The following CCDC33 variants were observed in gnomAD, a reference collection of about 807,000 sequenced individuals.
The protein encoded by CCDC33 is coiled-coil domain containing 33.
CCDC33 carries 94 observed loss-of-function variants against 91.9 expected under a neutral mutation model. The ratio of observed to expected loss-of-function variants is 1.02; its 90% CI spans 0.87 to 1.21. The LOEUF (loss-of-function observed/expected upper bound fraction) is 1.21, where lower values mean the gene tolerates loss of function less well. Ranked by LOEUF, CCDC33 falls within the 50% of genes most tolerant of loss-of-function variation. CCDC33 has a pLI of 0.00. For synonymous variants in CCDC33, 396 were observed against 374.5 expected (o/e 1.06, Z -0.66); for missense variants, 940 against 935.5 (o/e 1.00, Z -0.06).
chr15:74,334,033 A>C (rs369295363), intron 17 of CCDC33, 66 bp downstream of exon 17: 1 of 1,381,814 alleles, frequency 7.2e-7, no homozygotes, highest in African/African-American at 1.4e-5. Context: ...ACCAGGGCTC[A>C]GTGTGTGAGC....
upstream of CCDC33, among the ~76,000 whole-genome samples, chr15:74,235,582 C>T (rs2075127973): frequency 1.3e-5 from 2 of 152,118 alleles, no homozygotes; most frequent in African/African-American, 2.4e-5. Flanking sequence ...CAGTTCAGAC[C>T]TCACCTCTCT....
chr15:74,222,556 GT>G (rs1567213314), intron 2 of CCDC33, among the ~76,000 whole-genome samples: 4 of 134,568 alleles, frequency 3.0e-5, no homozygotes, highest in Non-Finnish European at 6.3e-5. Context: ...AATTCCTTCC[GT>G]TTAAAACACC....
chr15:74,267,813 C>G (rs2076207558), intron 4 of CCDC33, among the ~76,000 whole-genome samples: 1 of 152,146 alleles, frequency 6.6e-6, no homozygotes, highest in South Asian at 2.1e-4. Flanking sequence ...TCCTGGCATA[C>G]AGTAGGTGCT....
intron 13 of CCDC33, 93 bp downstream of exon 13, chr15:74,330,844 C>T: frequency 6.6e-7 from 1 of 1,508,464 alleles, no homozygotes; most frequent in Non-Finnish European, 9.1e-7. Context: ...AGAACAGGCA[C>T]AGAGGGAATG....
chr15:74,317,573 G>A (rs1281251968), intron 11 of CCDC33, among the ~76,000 whole-genome samples: 2 of 152,174 alleles, frequency 1.3e-5, no homozygotes, highest in Admixed American at 6.5e-5. Flanking sequence ...GATTATTATT[G>A]TGCCACCATT....
intron 7 of CCDC33, among the ~76,000 whole-genome samples, chr15:74,279,537 T>C: frequency 6.6e-6 from 1 of 152,288 alleles, no homozygotes; most frequent in Middle Eastern, 3.4e-3. Context: ...TATTTATTTA[T>C]TTATTTTATT....
At chr15:74,314,685 C>T (rs2060057313) in intron 11 of CCDC33, among the ~76,000 whole-genome samples, 1 of 152,210 alleles carries the variant, frequency 6.6e-6, no homozygotes, top group Non-Finnish European at 1.5e-5. Context: ...GGTGGAGCAC[C>T]TGGGGTGGGG....
intron 17 of CCDC33, among the ~76,000 whole-genome samples, 181 bp downstream of exon 17, chr15:74,334,148 G>A (rs772897395): frequency 6.6e-6 from 1 of 152,112 alleles, no homozygotes; most frequent in Non-Finnish European, 1.5e-5. Flanking sequence ...CCAGGGTTAG[G>A]GTTCAGTGTG....
At chr15:74,275,492 T>A (rs1337985174) in intron 7 of CCDC33, among the ~76,000 whole-genome samples, 2 of 152,158 alleles carry the variant, frequency 1.3e-5, no homozygotes, top group African/African-American at 4.8e-5. Context: ...GGATATTTAT[T>A]GTCACACACC....
chr15:74,262,361 T>G (rs1457853572), intron 2 of CCDC33, 79 bp from the exon 3 acceptor site: 2 of 1,569,396 alleles, frequency 1.3e-6, no homozygotes, highest in African/African-American at 1.4e-5. Context: ...CTCAGATTTA[T>G]GGACAGTGGA....
chr15:74,258,967 A>G (rs1451337568), intron 2 of CCDC33, among the ~76,000 whole-genome samples: 1 of 151,926 alleles, frequency 6.6e-6, no homozygotes, highest in East Asian at 1.9e-4. Context: ...AGACACACAC[A>G]CCCTTCCAGC....
At chr15:74,249,478 G>C in intron 2 of CCDC33, among the ~76,000 whole-genome samples, 1 of 146,852 alleles carries the variant, frequency 6.8e-6, no homozygotes, top group East Asian at 2.1e-4. Flanking sequence ...ACAGAGCGAG[G>C]CTCCGTCTAA....
chr15:74,243,545 G>C lies in CCDC33; in HGVS notation c.22-440G>C, dbSNP rs555003547. 2.4e-4 allele frequency among the ~76,000 whole-genome samples: 36 copies of C among 152,284 alleles called. No individual in the cohort carries two copies. The South Asian group carries it at 7.5e-3, about 32-fold the overall frequency. Reference sequence around the variant, plus strand: ...GGGACAGAAGTAGGGAGAAAATGGGGCCAAGGCGACTGCCTTGCAGAGTGG... The same window carrying C: ...GGGACAGAAGTAGGGAGAAAATGGGCCCAAGGCGACTGCCTTGCAGAGTGG... On this transcript the variant is annotated intron_variant, in intron 1 of 18. Transcript: ENST00000398814.
chr15:74,312,588 C>T (rs932627444), intron 11 of CCDC33, among the ~76,000 whole-genome samples: 8 of 152,014 alleles, frequency 5.3e-5, no homozygotes, highest in African/African-American at 1.9e-4. Context: ...CCTATGTACA[C>T]AGGCTTCGCT....
chr15:74,217,729 T>C, intron 1 of CCDC33: 1 of 586,366 alleles, frequency 1.7e-6, no homozygotes, highest in Non-Finnish European at 2.4e-6. Context: ...GGTGTGACCT[T>C]GGGCAAATTC....
chr15:74,333,414 A>G (rs2060484678), intron 16 of CCDC33: 2 of 921,516 alleles, frequency 2.2e-6, no homozygotes, highest in Non-Finnish European at 3.4e-6. Context: ...CCCAAAGCAG[A>G]ACATTTGGAA....
chr15:74,281,939 A>G, intron 10 of CCDC33, 90 bp downstream of exon 10: 1 of 1,170,806 alleles, frequency 8.5e-7, no homozygotes, highest in East Asian at 2.4e-5. Flanking sequence ...TTGTTCAGGG[A>G]CTTCTGGGAG....
upstream of CCDC33, among the ~76,000 whole-genome samples, chr15:74,232,998 G>T (rs970630689): frequency 6.6e-6 from 1 of 152,142 alleles, no homozygotes; most frequent in Non-Finnish European, 1.5e-5. Context: ...CCGGCTTCCA[G>T]GCCCACGCCC....
At chr15:74,251,537 C>T (rs1159740164) in intron 2 of CCDC33, among the ~76,000 whole-genome samples, 2 of 152,246 alleles carry the variant, frequency 1.3e-5, no homozygotes, top group African/African-American at 2.4e-5. Context: ...CGGCTGCCTG[C>T]TGCCCAGAGC....
Sources: allele counts gnomAD v4.1 joint callset (sites outside exome capture counted in the v4.1 genomes callset), GRCh38; gene constraint gnomAD v4.1.1; transcripts MANE v1.5; gene names NCBI Gene and HGNC (gene_info 2026-07-23, HGNC 2026-07-21).